TMPRSS15: variants seen among roughly 807,000 people sequenced by gnomAD.
TMPRSS15 encodes the protein enteropeptidase.
Under a neutral mutation model 125.3 loss-of-function variants are expected in TMPRSS15, and 128 were observed. That is an observed-to-expected ratio of 1.02 (90% confidence interval 0.89 to 1.18). TMPRSS15 has a LOEUF of 1.18. TMPRSS15 is among the 50% of genes most tolerant of loss of function. The probability of loss-of-function intolerance (pLI) is 0.00; values close to 1 mark genes in which losing one functional copy is unlikely to be tolerated. For missense variants in TMPRSS15, 1,283 were observed against 1,212.7 expected, an observed-to-expected ratio of 1.06 and a Z score of -0.86; for synonymous variants, 446 against 423.2, an observed-to-expected ratio of 1.05 and a Z score of -0.66.
At chr21:18,458,219 G>T (rs1289171241) in intron 1 of TMPRSS15, among the ~76,000 whole-genome samples, 2 of 152,128 alleles carry the variant, frequency 1.3e-5, no homozygotes, top group Middle Eastern at 3.2e-3. Flanking sequence ...GGAACCTTGT[G>T]CATGAATGAA....
At chr21:18,277,233 T>C (rs2074633324) in intron 23 of TMPRSS15, among the ~76,000 whole-genome samples, 1 of 152,128 alleles carries the variant, frequency 6.6e-6, no homozygotes, top group South Asian at 2.1e-4. Context: ...ATACCACTCT[T>C]AGAGACTTTC....
At chr21:18,340,285 C>A (rs1222566159) in intron 13 of TMPRSS15, among the ~76,000 whole-genome samples, 1 of 152,120 alleles carries the variant, frequency 6.6e-6, no homozygotes, top group Non-Finnish European at 1.5e-5. Flanking sequence ...CTTCATCTTT[C>A]CCCCATGCTG....
At chr21:18,310,939 T>C (rs867700766) in intron 18 of TMPRSS15, among the ~76,000 whole-genome samples, 31,159 of 145,044 alleles carry the variant, frequency 0.21, 3,431 homozygotes, top group African/African-American at 0.29. Flanking sequence ...GATTCTTTTT[T>C]TTTTTTTTTT....
chr21:18,344,148 CTT>C, intron 10 of TMPRSS15, 88 bp from the exon 11 acceptor site: 1 of 1,106,136 alleles, frequency 9.0e-7, no homozygotes, highest in Non-Finnish European at 1.4e-6. Flanking sequence ...GAAAGAAAAA[CTT>C]TAAGAAGAAA....
chr21:18,311,473 C>A (rs1316476824), intron 18 of TMPRSS15, among the ~76,000 whole-genome samples: 2 of 152,016 alleles, frequency 1.3e-5, no homozygotes, highest in Non-Finnish European at 2.9e-5. Context: ...AAATAGCCAA[C>A]AGAATATGAA....
chr21:18,379,101 A>G (rs925510112), intron 5 of TMPRSS15, among the ~76,000 whole-genome samples, 182 bp downstream of exon 5: 3 of 152,042 alleles, frequency 2.0e-5, no homozygotes, highest in Non-Finnish European at 4.4e-5. Flanking sequence ...AGCCCTAAAT[A>G]TGTTGTTTAC....
intron 1 of TMPRSS15, among the ~76,000 whole-genome samples, chr21:18,459,117 T>C (rs920601633): frequency 3.3e-5 from 5 of 152,184 alleles, no homozygotes; most frequent in African/African-American, 1.2e-4. Context: ...AGTTTAGTTT[T>C]ATTCCATGTG....
chr21:18,448,584 AT>A (rs1273620198), intron 1 of TMPRSS15, among the ~76,000 whole-genome samples: 11 of 152,210 alleles, frequency 7.2e-5, no homozygotes, highest in South Asian at 6.2e-4. Context: ...ATTTAGTTGG[AT>A]TTTTTAAAAT....
intron 1 of TMPRSS15, among the ~76,000 whole-genome samples, chr21:18,453,111 C>T (rs1054794513): frequency 7.9e-5 from 12 of 152,202 alleles, no homozygotes; most frequent in African/African-American, 2.9e-4. Flanking sequence ...AACAACCCCA[C>T]ATTTTTAATT....
intron 1 of TMPRSS15, among the ~76,000 whole-genome samples, chr21:18,417,450 C>T (rs886463806): frequency 1.3e-5 from 2 of 152,036 alleles, no homozygotes; most frequent in African/African-American, 4.8e-5. Flanking sequence ...ACACAGTAAT[C>T]TAATTAAAAT....
At chr21:18,317,942 AAAAT>A (rs1429500657) in intron 16 of TMPRSS15, among the ~76,000 whole-genome samples, 3 of 144,130 alleles carry the variant, frequency 2.1e-5, no homozygotes, top group Non-Finnish European at 3.0e-5. Flanking sequence ...AACAAGGCAT[AAAAT>A]TTGTTGGGTA....
chr21:18,433,672 A>AAT lies in TMPRSS15; in HGVS notation c.11-35344_11-35343insAT, dbSNP rs2076221424. Among the ~76,000 whole-genome samples the AAT allele has an allele frequency of 2.6e-5, 4 of 151,042 alleles. No homozygotes were observed. In the South Asian group the frequency reaches 8.3e-4, roughly 32 times the overall value. On this transcript the variant is annotated intron_variant, in intron 1 of 7. Coordinates refer to the TMPRSS15 transcript ENST00000422787. ...AAGTAAGACCTTGTCTCAAAAAAAAAAAAAAAAAAAAAAAGAAAATAACAT... is the reference window on the plus strand; with the variant it reads ...AAGTAAGACCTTGTCTCAAAAAAAAAATAAAAAAAAAAAAAAGAAAATAACAT...
intron 13 of TMPRSS15, among the ~76,000 whole-genome samples, 177 bp downstream of exon 13, chr21:18,341,232 GTGTT>G (rs1194612165): frequency 6.6e-6 from 1 of 151,962 alleles, no homozygotes; most frequent in Non-Finnish European, 1.5e-5. Flanking sequence ...CAGCTAATTT[GTGTT>G]TGTTTGTTTT....
chr21:18,414,626 C>T (rs928732202), intron 1 of TMPRSS15, among the ~76,000 whole-genome samples: 1 of 152,148 alleles, frequency 6.6e-6, no homozygotes, highest in Non-Finnish European at 1.5e-5. Context: ...GTGTGAGTGG[C>T]TTATTTCACT....
intron 7 of TMPRSS15, among the ~76,000 whole-genome samples, chr21:18,363,440 C>A (rs1057453874): frequency 1.1e-4 from 17 of 152,034 alleles, no homozygotes; most frequent in Non-Finnish European, 2.5e-4. Flanking sequence ...TGCTCATAAA[C>A]CCTCTAAATG....
At chr21:18,320,733 AT>A (rs2075224802) in intron 16 of TMPRSS15, among the ~76,000 whole-genome samples, 2 of 152,348 alleles carry the variant, frequency 1.3e-5, no homozygotes, top group South Asian at 4.1e-4. Context: ...TCTGAGAAGT[AT>A]AAATAAGCTC....
intron 4 of TMPRSS15, among the ~76,000 whole-genome samples, chr21:18,382,258 T>C (rs1420568305): frequency 6.6e-6 from 1 of 152,122 alleles, no homozygotes; most frequent in Non-Finnish European, 1.5e-5. Context: ...GTAAAAATGT[T>C]GATAGATAAA....
At chr21:18,310,935 T>TTC (rs1568999087) in intron 18 of TMPRSS15, among the ~76,000 whole-genome samples, 1 of 31,208 alleles carries the variant, frequency 3.2e-5, no homozygotes, top group African/African-American at 9.1e-5. Context: ...CACTGATTCT[T>TTC]TTTTTTTTTT....
intron 6 of TMPRSS15, among the ~76,000 whole-genome samples, chr21:18,367,957 C>G (rs2075754472): frequency 6.6e-6 from 1 of 152,032 alleles, no homozygotes; most frequent in Non-Finnish European, 1.5e-5. Context: ...ACTCTTTGAA[C>G]TGAAAAGCAG....
Sources: gnomAD v4.1 joint callset for allele counts (sites outside exome capture counted in the v4.1 genomes callset) on GRCh38, gnomAD v4.1.1 for gene constraint, MANE v1.5 for transcripts, NCBI Gene and HGNC (gene_info 2026-07-23, HGNC 2026-07-21) for gene names.